TOP3A: variants seen among roughly 807,000 people sequenced by gnomAD.
TOP3A encodes the protein DNA topoisomerase 3-alpha.
In TOP3A, 64 loss-of-function variants were observed where a neutral mutation model predicts 111.3. The ratio of observed to expected loss-of-function variants is 0.57; its 90% CI spans 0.47 to 0.71. The LOEUF (loss-of-function observed/expected upper bound fraction) is 0.71. Among genes scored for constraint, TOP3A ranks in the 30% least tolerant of loss-of-function variants. The pLI is 0.00. For synonymous variants in TOP3A, 484 were observed against 485.1 expected, an observed-to-expected ratio of 1.00 and a Z score of 0.03; for missense variants, 1,104 against 1,285.0, an observed-to-expected ratio of 0.86 and a Z score of 2.15.
At chr17:18,301,509 T>C (rs182615184) in intron 8 of TOP3A, among the ~76,000 whole-genome samples, 42 of 152,356 alleles carry the variant, frequency 2.8e-4, no homozygotes. Context: ...TTCACTTCTC[T>C]AGATGTCCTC....
intron 1 of TOP3A, among the ~76,000 whole-genome samples, chr17:18,313,978 G>A (rs1982082238): frequency 6.6e-6 from 1 of 152,120 alleles, no homozygotes; most frequent in African/African-American, 2.4e-5. Flanking sequence ...CCTCCCTTGC[G>A]TTTGTGCCTC....
chr17:18,314,332 TC>T (rs2142992678), intron 1 of TOP3A, among the ~76,000 whole-genome samples: 1 of 152,276 alleles, frequency 6.6e-6, no homozygotes, highest in African/African-American at 2.4e-5. Context: ...CCGAGGCGAT[TC>T]CGAGAATCAG....
At chr17:18,284,719 T>C (rs2142947956) in intron 15 of TOP3A, among the ~76,000 whole-genome samples, 1 of 152,290 alleles carries the variant, frequency 6.6e-6, no homozygotes, top group South Asian at 2.1e-4. Context: ...CACTTGGGTT[T>C]ACTGATTTAA....
In TOP3A at chr17:18,278,205, AG is replaced by A; in HGVS notation, c.2296del (p.Leu766CysfsTer7). The A allele has an allele frequency of 6.2e-7, 1 of 1,604,322 alleles. No individual in the cohort carries two copies. Among genetic ancestry groups the A allele is most frequent in the South Asian group, 1.1e-5 (1 of 90,676 alleles). ...PPRASQPSGR[L>X]QANQSLNRMD... ...CCTGTTCAGGGACTGGTTAGCCTGCAGGCGGCCAGAGGGCTGGCTAGCCCTG... is the reference window on the plus strand; with the variant it reads ...CCTGTTCAGGGACTGGTTAGCCTGCAGCGGCCAGAGGGCTGGCTAGCCCTG... On this transcript the variant is annotated frameshift_variant, in exon 18 of 19. Coordinates refer to ENST00000321105, the MANE Select transcript of TOP3A (RefSeq NM_004618.5). LOFTEE classifies it high-confidence loss of function.
At chr17:18,292,278 T>C (rs1489792297) in intron 11 of TOP3A, among the ~76,000 whole-genome samples, 1 of 152,164 alleles carries the variant, frequency 6.6e-6, no homozygotes, top group African/African-American at 2.4e-5. Flanking sequence ...GCAGCAAAGT[T>C]TCAGGAGGCA....
At chr17:18,307,081 C>T (rs1014686625) in intron 3 of TOP3A, 115 bp from the exon 4 acceptor site, 6 of 687,646 alleles carry the variant, frequency 8.7e-6, no homozygotes, top group African/African-American at 5.4e-5. Flanking sequence ...GAAAAGGTCC[C>T]GGTGAATTGA....
chr17:18,314,659 G>A lies in TOP3A; in HGVS notation c.120C>T (p.Ala40=). Residue 40 remains alanine, a synonymous_variant, in exon 1 of 19, where the codon GCC becomes GCT. Coordinates refer to ENST00000321105, the MANE Select transcript of TOP3A (RefSeq NM_004618.5). ...LRGVRKVLCV[A]EKNDAAKGIA... is the part of the protein sequence containing the mutation. ...TCCCCTTGGCCGCGTCGTTTTTTTC[G>A]GCCACACAGAGGACTTTCCGCACGC... The A allele has an allele frequency of 1.2e-6, 2 of 1,613,224 alleles. No homozygotes were observed. The highest frequency in any genetic ancestry group is 1.7e-6 in the Non-Finnish European group (2 of 1,179,626).
At chr17:18,296,969 G>A (rs1980847019) in intron 9 of TOP3A, among the ~76,000 whole-genome samples, 1 of 152,086 alleles carries the variant, frequency 6.6e-6, no homozygotes, top group Non-Finnish European at 1.5e-5. Flanking sequence ...AAAAATGCTT[G>A]GGTGGAAAAG....
At chr17:18,282,035 AC>A (rs1235968294) in intron 16 of TOP3A, among the ~76,000 whole-genome samples, 1 of 152,104 alleles carries the variant, frequency 6.6e-6, no homozygotes, top group Non-Finnish European at 1.5e-5. Flanking sequence ...CCACCCCTCC[AC>A]CTCGTCTTTC....
chr17:18,293,689 C>T lies in TOP3A; in HGVS notation c.1074-837G>A, dbSNP rs558655495. On this transcript the variant is annotated intron_variant, in intron 10 of 18. Coordinates refer to ENST00000321105, the MANE Select transcript of TOP3A (RefSeq NM_004618.5). Reference sequence around the variant, plus strand: ...TCAGCTCAGTACAACCTCTGCCTCCCGGGTTCAAGCAATTCTCTTGCCTCA... The same window carrying T: ...TCAGCTCAGTACAACCTCTGCCTCCTGGGTTCAAGCAATTCTCTTGCCTCA... Among the ~76,000 whole-genome samples, 11 of 152,144 alleles carry T rather than the reference C, an allele frequency of 7.2e-5. No homozygotes were observed. The South Asian group carries it at 2.1e-3, about 29-fold the overall frequency.
intron 5 of TOP3A, 97 bp downstream of exon 5, chr17:18,305,015 G>A (rs1981465015): frequency 1.1e-6 from 1 of 950,554 alleles, no homozygotes; most frequent in Non-Finnish European, 1.7e-6. Flanking sequence ...AGTACCTGCA[G>A]AGGACCTCAT....
At chr17:18,298,612 G>T (rs1465146825) in intron 9 of TOP3A, among the ~76,000 whole-genome samples, 1 of 151,632 alleles carries the variant, frequency 6.6e-6, no homozygotes, top group African/African-American at 2.4e-5. Context: ...GGAATAGAAA[G>T]GGGGGAAGGG....
intron 1 of TOP3A, among the ~76,000 whole-genome samples, chr17:18,310,000 A>G (rs929945738): frequency 6.6e-6 from 1 of 151,760 alleles, no homozygotes; most frequent in African/African-American, 2.4e-5. Context: ...GTGAGCCACC[A>G]CGCCCAGCGA....
rs746124860 is a variant in TOP3A at position 18,292,967 on chromosome 17, A to G, written c.1074-115T>C. ...ACACTCATCTGATGTAGCCAACTCA[A>G]CTGAAGGCAGCCTACATTACCTGCT... On this transcript the variant is annotated intron_variant, in intron 10 of 18. Transcript: ENST00000321105. 2.1e-5 allele frequency: 21 copies of G among 1,004,506 alleles called. No individual in the cohort carries two copies. The Middle Eastern group carries it at 6.8e-4, about 33-fold the overall frequency. 62.2% of individuals were successfully genotyped at this position (1,004,506 alleles called of 1,614,324 possible).
At chr17:18,297,178 C>G (rs1980863841) in intron 9 of TOP3A, among the ~76,000 whole-genome samples, 1 of 152,200 alleles carries the variant, frequency 6.6e-6, no homozygotes, top group Admixed American at 6.5e-5. Flanking sequence ...CTAATCCCAG[C>G]ACTTTGGGAG....
At chr17:18,285,335 G>A in intron 14 of TOP3A, 28 bp from the exon 15 acceptor site, 1 of 1,613,512 alleles carries the variant, frequency 6.2e-7, no homozygotes, top group South Asian at 1.1e-5. Context: ...AGCTCAGTGA[G>A]GGCCCACCTG....
chr17:18,307,663 T>C (rs1165155299), intron 3 of TOP3A: 3 of 151,772 alleles, frequency 2.0e-5, no homozygotes, highest in African/African-American at 7.3e-5. Context: ...ACGCCTGTAA[T>C]CCTAGCACTT....
chr17:18,298,263 C>G (rs1394208113), intron 9 of TOP3A, among the ~76,000 whole-genome samples: 1 of 149,746 alleles, frequency 6.7e-6, no homozygotes. Flanking sequence ...GCCCCTCCGC[C>G]CAGCAGCCAC....
intron 17 of TOP3A, among the ~76,000 whole-genome samples, chr17:18,279,949 G>A (rs567796159): frequency 1.8e-3 from 273 of 152,020 alleles, no homozygotes; most frequent in African/African-American, 6.4e-3. Flanking sequence ...CCAGGAGTTC[G>A]AGACCAGCCT....
Sources: allele counts gnomAD v4.1 joint callset (sites outside exome capture counted in the v4.1 genomes callset), GRCh38; gene constraint gnomAD v4.1.1; transcripts MANE v1.5; gene names NCBI Gene and HGNC (gene_info 2026-07-23, HGNC 2026-07-21).